CDH23: variants seen among roughly 807,000 people sequenced by gnomAD.
The protein encoded by CDH23 is cadherin-23.
A neutral mutation model predicts 317.1 loss-of-function variants in CDH23; 189 were observed. That is an observed-to-expected ratio of 0.60 (90% confidence interval 0.53 to 0.67). The LOEUF (loss-of-function observed/expected upper bound fraction) is 0.67. Ranked by LOEUF, CDH23 falls within the 30% of genes least tolerant of loss-of-function variation. The pLI is 0.00. For missense variants in CDH23, 4,401 were observed against 4,592.4 expected (o/e 0.96, Z 1.20); for synonymous variants, 1,839 against 1,876.8 (o/e 0.98, Z 0.52).
intron 28 of CDH23, chr10:71,713,324 ATT>A: frequency 1.3e-6 from 1 of 777,762 alleles, no homozygotes; most frequent in Non-Finnish European, 2.4e-6. Flanking sequence ...CCTGAAAACA[ATT>A]TGGGTGTGCA....
Position 71,797,177 on chromosome 10 carries a change from C to T in CDH23, c.6786C>T (p.Asp2262=), listed in dbSNP as rs876657440. ...ATYEVTLSVI[D]NASDLPERSV... is the part of the protein sequence containing the mutation. ...ATGAGGTCACTCTCTCAGTGATTGACAATGCCAGCGACCTACCAGAGCGCT... is the reference window on the plus strand; with the variant it reads ...ATGAGGTCACTCTCTCAGTGATTGATAATGCCAGCGACCTACCAGAGCGCT... Residue 2262 remains aspartate (D), a synonymous_variant, in exon 49 of 70, where the codon GAC becomes GAT. Transcript: ENST00000224721. The T allele has an allele frequency of 6.2e-7, 1 of 1,613,550 alleles. No individual in the cohort carries two copies. The highest frequency in any genetic ancestry group is 1.7e-4 in the Middle Eastern group (1 of 6,048).
At chr10:71,783,251 AC>A (rs1462949813) in intron 41 of CDH23, among the ~76,000 whole-genome samples, 1 of 151,850 alleles carries the variant, frequency 6.6e-6, no homozygotes, top group Non-Finnish European at 1.5e-5. Context: ...CACAGCCCCC[AC>A]CATTCTTGCC....
chr10:71,771,054 G>T (rs533324332), intron 38 of CDH23, among the ~76,000 whole-genome samples: 1 of 152,326 alleles, frequency 6.6e-6, no homozygotes, highest in South Asian at 2.1e-4. Flanking sequence ...TGAAGGAGAA[G>T]ATGGGGTCTC....
chr10:71,612,227 AGT>A (rs112383786), intron 9 of CDH23, among the ~76,000 whole-genome samples: 1,674 of 149,286 alleles, frequency 0.011, 10 homozygotes, highest in African/African-American at 0.025. Context: ...GTGAAAAAGA[AGT>A]GTGTGTGTGT....
Position 71,572,200 on chromosome 10 carries a change from G to A in CDH23, c.753+1282G>A, listed in dbSNP as rs147598007. Among the ~76,000 whole-genome samples the A allele has an allele frequency of 9.5e-3, 1,444 of 152,348 alleles. 49 individuals are homozygous for A. Among genetic ancestry groups the A allele is most frequent in the Admixed American group, 0.061 (930 of 15,306 alleles). ...TCTCTTTCTTAGCATTCCGTGGGCA[G>A]TGGGAGCCCCTGCTTTTGAGACTGA... On this transcript the variant is annotated intron_variant, in intron 8 of 69. Coordinates refer to ENST00000224721, the MANE Select transcript of CDH23 (RefSeq NM_022124.6).
intron 9 of CDH23, among the ~76,000 whole-genome samples, chr10:71,598,784 G>A (rs1241938940): frequency 6.6e-6 from 1 of 152,246 alleles, no homozygotes; most frequent in African/African-American, 2.4e-5. Context: ...TTTCTCGCTT[G>A]CTCAGCAGAA....
chr10:71,814,579 A>T (rs1044508047), intron 69 of CDH23, among the ~76,000 whole-genome samples: 6 of 152,208 alleles, frequency 3.9e-5, no homozygotes, highest in Non-Finnish European at 8.8e-5. Context: ...GAATCACTTG[A>T]AGTCAGGAGG....
intron 9 of CDH23, among the ~76,000 whole-genome samples, chr10:71,591,184 A>T (rs1859470358): frequency 6.6e-6 from 1 of 152,154 alleles, no homozygotes; most frequent in South Asian, 2.1e-4. Context: ...GAGAGGGCTG[A>T]GGGCTGGGGC....
At position 71,503,159 on chromosome 10, in the gene CDH23, C is replaced by T. The variant is rs565825956; in HGVS notation, c.146-6923C>T. Among the ~76,000 whole-genome samples the T allele has an allele frequency of 3.5e-4, 54 of 152,354 alleles. 1 individual carries two copies. Among genetic ancestry groups the T allele is most frequent in the Middle Eastern group, 3.4e-3 (1 of 292 alleles). ...GCCGAGGCCACGGTGGAGGATGTGCCACCAGCTTTGCAACTCCCAAGGGGC... is the reference window on the plus strand; with the variant it reads ...GCCGAGGCCACGGTGGAGGATGTGCTACCAGCTTTGCAACTCCCAAGGGGC... On this transcript the variant is annotated intron_variant, in intron 3 of 69. Coordinates refer to ENST00000224721, the MANE Select transcript of CDH23 (RefSeq NM_022124.6).
intron 67 of CDH23, 48 bp downstream of exon 67, chr10:71,812,657 T>C (rs780699322): frequency 9.3e-6 from 15 of 1,613,018 alleles, no homozygotes; most frequent in Non-Finnish European, 1.3e-5. Context: ...GTGGAGGGGC[T>C]GGGTCTTTGC....
chr10:71,551,163 A>G (rs2132314504), intron 6 of CDH23, among the ~76,000 whole-genome samples: 1 of 152,402 alleles, frequency 6.6e-6, no homozygotes, highest in Non-Finnish European at 1.5e-5. Context: ...GAAATTCCGC[A>G]TTAATTAACG....
At chr10:71,413,933 T>A (rs1435525557) in intron 1 of CDH23, among the ~76,000 whole-genome samples, 1 of 152,078 alleles carries the variant, frequency 6.6e-6, no homozygotes, top group Non-Finnish European at 1.5e-5. Flanking sequence ...TAAATGGAAC[T>A]GTTTTCCTTA....
intron 6 of CDH23, among the ~76,000 whole-genome samples, chr10:71,516,695 G>T (rs978015357): frequency 6.6e-6 from 1 of 152,164 alleles, no homozygotes; most frequent in African/African-American, 2.4e-5. Flanking sequence ...CCATCCTACA[G>T]AGACAGACAC....
chr10:71,636,167 G>A (rs560447257), intron 11 of CDH23, among the ~76,000 whole-genome samples: 2 of 152,214 alleles, frequency 1.3e-5, no homozygotes, highest in African/African-American at 2.4e-5. Flanking sequence ...GAGAGGGGAG[G>A]AGAGAGAATC....
At position 71,588,130 on chromosome 10, in the gene CDH23, A is replaced by G. The variant is rs75644529; in HGVS notation, c.832+10138A>G. ...AGGGTGAGCAGCCAGATGGAGTTCT[A>G]GTTACTCAGCCCATCAGCCACCTCC... On this transcript the variant is annotated intron_variant, in intron 9 of 69. Coordinates refer to ENST00000224721, the MANE Select transcript of CDH23 (RefSeq NM_022124.6). Among the ~76,000 whole-genome samples, 110 of 152,242 alleles carry G rather than the reference A, an allele frequency of 7.2e-4. 1 individual carries two copies. In the East Asian group the frequency reaches 0.017, roughly 24 times the overall value.
intron 11 of CDH23, among the ~76,000 whole-genome samples, chr10:71,632,072 T>A (rs1862040116): frequency 2.0e-5 from 3 of 152,092 alleles, no homozygotes; most frequent in African/African-American, 7.2e-5. Context: ...GTAACAAGAA[T>A]CTTTGCATGT....
At chr10:71,739,431 C>T (rs769709203) in intron 35 of CDH23, among the ~76,000 whole-genome samples, 5 of 152,194 alleles carry the variant, frequency 3.3e-5, no homozygotes, top group Admixed American at 6.5e-5. Context: ...CTCCTAGCCC[C>T]GGAACTTTCC....
At position 71,741,822 on chromosome 10, in the gene CDH23, C is replaced by G; in HGVS notation, c.4746C>G (p.Ser1582Arg). ...TGGCCTTCCGCATGGACCGCATCAGCGGTGAGATCGCCACACGGCCTGCCC... is the reference window on the plus strand; with the variant it reads ...TGGCCTTCCGCATGGACCGCATCAGGGGTGAGATCGCCACACGGCCTGCCC... ...KDMAFRMDRI[S>R]GEIATRPAPP... Residue 1582 changes from serine (S) to arginine (R), a missense_variant, in exon 38 of 70, where the codon AGC becomes AGG. Physicochemically the swap from Ser to Arg is moderately radical, Grantham distance 110 (BLOSUM62 -1). Around this residue, in one of 3 missense-constraint regions of CDH23, gnomAD observed 3,068 missense variants for 3,203.3 expected, o/e 0.96. Transcript: ENST00000224721. The G allele has an allele frequency of 6.2e-7, 1 of 1,611,784 alleles. No individual in the cohort carries two copies.
chr10:71,556,832 A>G (rs1306205244), intron 6 of CDH23, among the ~76,000 whole-genome samples: 1 of 152,140 alleles, frequency 6.6e-6, no homozygotes, highest in Middle Eastern at 3.2e-3. Flanking sequence ...TCTAAATCAC[A>G]TGCCTATACA....
Sources: allele counts gnomAD v4.1 joint callset (sites outside exome capture counted in the v4.1 genomes callset), GRCh38; gene constraint gnomAD v4.1.1; regional missense constraint gnomAD v4.1.1; transcripts MANE v1.5; gene names NCBI Gene and HGNC (gene_info 2026-07-23, HGNC 2026-07-21).